The following NCOR1 variants were observed in gnomAD, a reference collection of about 807,000 sequenced individuals.
NCOR1 encodes the protein protein phosphatase 1, regulatory subunit 109.
In NCOR1, 63 loss-of-function variants were observed where a neutral mutation model predicts 288.1. That is an observed-to-expected ratio of 0.22 (90% CI 0.18 to 0.27). The LOEUF is 0.27. Among genes scored for constraint, NCOR1 ranks in the 10% least tolerant of loss-of-function variants. The pLI is 1.00. For synonymous variants in NCOR1, 1,007 were observed against 1,065.9 expected, an observed-to-expected ratio of 0.94 and a Z score of 1.08; for missense variants, 2,397 against 3,019.2, an observed-to-expected ratio of 0.79 and a Z score of 4.83.
At chr17:16,129,603 C>G (rs547318500) in intron 14 of NCOR1, among the ~76,000 whole-genome samples, 420 of 152,330 alleles carry the variant, frequency 2.8e-3, no homozygotes, top group Non-Finnish European at 5.1e-3. Context: ...CCCTGGGACA[C>G]TACAGTGGTC....
rs754788362 is a variant in NCOR1, at chr17:16,072,263, A to G, written c.3812-35T>C. The G allele has an allele frequency of 8.7e-6, 13 of 1,498,138 alleles. No homozygotes were observed. In the South Asian group the frequency reaches 1.5e-4, roughly 17 times the overall value. 92.8% of individuals were successfully genotyped at this position (1,498,138 alleles called of 1,614,324 possible). On this transcript the variant is annotated intron_variant, in intron 28 of 45. Transcript: ENST00000268712. The stretch of plus-strand genomic sequence containing the variant: ...CAAGAAAGCAATTCAATTATTCAAC[A>G]TAATGTATATGTCAACTCACATATA...
chr17:16,170,999 T>C (rs920977646), intron 4 of NCOR1, among the ~76,000 whole-genome samples: 1 of 152,048 alleles, frequency 6.6e-6, no homozygotes, highest in Non-Finnish European at 1.5e-5. Flanking sequence ...TAGCTAAATA[T>C]TAAAACTTAT....
chr17:16,179,210 A>G (rs982433034), intron 3 of NCOR1, among the ~76,000 whole-genome samples: 6 of 152,228 alleles, frequency 3.9e-5, no homozygotes, highest in African/African-American at 1.4e-4. Context: ...TGAAATCAGA[A>G]AGGAAATTTA....
chr17:16,124,168 C>A (rs769745001), intron 15 of NCOR1, among the ~76,000 whole-genome samples: 27 of 152,136 alleles, frequency 1.8e-4, no homozygotes, highest in Non-Finnish European at 3.5e-4. Context: ...TGACTAGCTA[C>A]TTTAGCTTCC....
At chr17:16,134,797 G>A (rs1035175993) in intron 14 of NCOR1, among the ~76,000 whole-genome samples, 9 of 152,132 alleles carry the variant, frequency 5.9e-5, no homozygotes, top group Admixed American at 2.6e-4. Context: ...ATTTTAAACA[G>A]TAACATATAT....
At chr17:16,211,762 T>C (rs1162322407) in intron 1 of NCOR1, among the ~76,000 whole-genome samples, 3 of 151,886 alleles carry the variant, frequency 2.0e-5, no homozygotes, top group Admixed American at 1.3e-4. Context: ...AAAAAAATGG[T>C]AGAAGAACAG....
At chr17:16,170,798 G>A (rs867541343) in intron 4 of NCOR1, among the ~76,000 whole-genome samples, 2 of 148,394 alleles carry the variant, frequency 1.3e-5, no homozygotes, top group Middle Eastern at 3.2e-3. Flanking sequence ...CCAAGATCGC[G>A]CCACTGCACT....
At chr17:16,048,723 C>G in intron 41 of NCOR1, 122 bp downstream of exon 41, 3 of 1,073,008 alleles carry the variant, frequency 2.8e-6, no homozygotes, top group Non-Finnish European at 3.7e-6. Context: ...AAATGATCCT[C>G]TAAGAATGCC....
rs1168655928 is a variant in NCOR1 at position 16,137,429 on chromosome 17, A to T, written c.1408-17T>A. ...AGGAACACTCTGTAAGAAATAAAAC[A>T]ATTATTTTTGAGGATCCAATGAAAT... On this transcript the variant is annotated splice_polypyrimidine_tract_variant and intron_variant, in intron 13 of 45. Coordinates refer to ENST00000268712, the MANE Select transcript of NCOR1 (RefSeq NM_006311.4). 2 of 1,364,584 alleles carry T rather than the reference A, an allele frequency of 1.5e-6. No homozygotes were observed. The highest frequency in any genetic ancestry group is 2.0e-6 in the Non-Finnish European group (2 of 1,001,696). 84.5% of individuals were successfully genotyped at this position (1,364,584 alleles called of 1,614,324 possible).
Position 16,080,417 on chromosome 17 carries a change from C to T in NCOR1, c.3391G>A (p.Val1131Ile), listed in dbSNP as rs1239554689. Residue 1131 changes from valine to isoleucine, a missense_variant, in exon 25 of 46, where the codon GTA becomes ATA. Around this residue, in one of 11 missense-constraint regions of NCOR1, gnomAD observed 1,872 missense variants for 2,187.8 expected, o/e 0.86. Transcript: ENST00000268712. ...AACCAGCATATTTTACCTCTGACTACACCTTCATGTTGGGCCCTGACCAAC... is the reference window on the plus strand; with the variant it reads ...AACCAGCATATTTTACCTCTGACTATACCTTCATGTTGGGCCCTGACCAAC... ...GLLVRAQHEGVVRGTAGAIQE... is the reference protein window; with the variant it reads ...GLLVRAQHEGIVRGTAGAIQE... 4 of 1,613,450 alleles carry T rather than the reference C, an allele frequency of 2.5e-6. No homozygotes were observed. Among genetic ancestry groups the T allele is most frequent in the Non-Finnish European group, 3.4e-6 (4 of 1,179,494 alleles).
intron 1 of NCOR1, among the ~76,000 whole-genome samples, chr17:16,199,237 A>C: frequency 6.7e-6 from 1 of 149,646 alleles, no homozygotes; most frequent in African/African-American, 2.5e-5. Context: ...ACACACACAC[A>C]CACACACTAG....
chr17:16,126,335 G>A (rs1040702144), intron 14 of NCOR1, 129 bp from the exon 15 acceptor site: 23 of 964,128 alleles, frequency 2.4e-5, no homozygotes, highest in African/African-American at 6.8e-5. Flanking sequence ...ACTGGTGATC[G>A]TGTGTTAAAA....
intron 38 of NCOR1, 94 bp from the exon 39 acceptor site, chr17:16,058,158 G>T: frequency 7.2e-7 from 1 of 1,385,132 alleles, no homozygotes; most frequent in Non-Finnish European, 1.0e-6. Context: ...ACACCTGAAA[G>T]GATGTGGTAC....
At chr17:16,164,243 G>GAAAAAAAAAAAAAAAA (rs34172004) in intron 5 of NCOR1, among the ~76,000 whole-genome samples, 1 of 138,936 alleles carries the variant, frequency 7.2e-6, no homozygotes. Context: ...TCCAAATCTG[G>GAAAAAAAAAAAAAAAA]AAAAAAAAAA....
chr17:16,037,893 A>G (rs1008396278), intron 44 of NCOR1, among the ~76,000 whole-genome samples: 16 of 152,214 alleles, frequency 1.1e-4, no homozygotes, highest in African/African-American at 3.9e-4. Context: ...GGTCATCAGC[A>G]AATTTTTTCC....
chr17:16,077,563 AGGAGAG>A (rs2062735388), intron 26 of NCOR1, among the ~76,000 whole-genome samples: 1 of 12,336 alleles, frequency 8.1e-5, no homozygotes, highest in African/African-American at 3.5e-4. Context: ...AGGGGAGGGG[AGGAGAG>A]GGGGGAGGGG....
intron 6 of NCOR1, 64 bp from the exon 7 acceptor site, chr17:16,153,459 T>G (rs2079188292): frequency 9.6e-7 from 1 of 1,044,406 alleles, no homozygotes; most frequent in Non-Finnish European, 1.4e-6. Flanking sequence ...GCAAAATAAT[T>G]ATTTAGAAAT....
intron 3 of NCOR1, among the ~76,000 whole-genome samples, chr17:16,179,682 A>G (rs141573351): frequency 6.6e-6 from 1 of 152,354 alleles, no homozygotes; most frequent in African/African-American, 2.4e-5. Flanking sequence ...CAAGAAAACA[A>G]AACTAGAGGC....
At chr17:16,146,169 AG>A (rs2077973051) in intron 10 of NCOR1, among the ~76,000 whole-genome samples, 1 of 152,130 alleles carries the variant, frequency 6.6e-6, no homozygotes, top group Non-Finnish European at 1.5e-5. Context: ...AGAAGGCCGC[AG>A]GGTCCTCTGC....
Sources: gnomAD v4.1 joint callset for allele counts (sites outside exome capture counted in the v4.1 genomes callset) on GRCh38, gnomAD v4.1.1 for gene constraint, gnomAD v4.1.1 regional missense constraint, MANE v1.5 for transcripts, NCBI Gene and HGNC (gene_info 2026-07-23, HGNC 2026-07-21) for gene names.